Variants in ACSF3 observed in about 807,000 individuals in gnomAD.
ACSF3 encodes malonate--CoA ligase ACSF3, mitochondrial.
A neutral mutation model predicts 53.2 loss-of-function variants in ACSF3; 78 were observed. The observed-to-expected ratio is 1.47, with a 90% CI of 1.22 to 1.77. The LOEUF (loss-of-function observed/expected upper bound fraction) is 1.77, where lower values mean the gene tolerates loss of function less well. Ranked by LOEUF, ACSF3 falls within the 40% of genes most tolerant of loss-of-function variation. The pLI is 0.00. For missense variants in ACSF3, 937 were observed against 771.1 expected, an observed-to-expected ratio of 1.22 and a Z score of -2.55; for synonymous variants, 414 against 333.1, an observed-to-expected ratio of 1.24 and a Z score of -2.65.
intron 7 of ACSF3, among the ~76,000 whole-genome samples, chr16:89,129,893 A>G (rs1314326879): frequency 6.6e-6 from 1 of 152,210 alleles, no homozygotes; most frequent in Non-Finnish European, 1.5e-5. Flanking sequence ...CTGCCTCCAC[A>G]TCGGTTACTT....
intron 4 of ACSF3, among the ~76,000 whole-genome samples, chr16:89,110,701 C>T (rs140813300): frequency 9.2e-5 from 14 of 152,230 alleles, no homozygotes; most frequent in East Asian, 1.9e-4. Context: ...TAAAGCTTGC[C>T]GGAATTTTGG....
intron 6 of ACSF3, among the ~76,000 whole-genome samples, chr16:89,116,429 G>T (rs1356661451): frequency 5.9e-5 from 9 of 152,208 alleles, no homozygotes; most frequent in African/African-American, 2.2e-4. Context: ...CAAGGTGAGT[G>T]TGAGGGCTGG....
intron 7 of ACSF3, among the ~76,000 whole-genome samples, chr16:89,131,885 C>T (rs1447638046): frequency 1.3e-5 from 2 of 152,270 alleles, no homozygotes; most frequent in Non-Finnish European, 2.9e-5. Context: ...GGGCACTGCA[C>T]GGAAAGCCCC....
At chr16:89,132,997 C>A in intron 7 of ACSF3, 139 bp from the exon 8 acceptor site, 1 of 1,292,932 alleles carries the variant, frequency 7.7e-7, no homozygotes, top group Non-Finnish European at 1.1e-6. Context: ...TCCAAGCATT[C>A]CAACAAAGCG....
At position 89,098,718 on chromosome 16, in the gene ACSF3, G is replaced by A. The variant is rs1386788361; in HGVS notation, c.-66G>A. The A allele has an allele frequency of 4.4e-6, 2 of 454,036 alleles. No homozygotes were observed. The highest frequency in any genetic ancestry group is 2.3e-5 in the Admixed American group (1 of 42,562). The allele number at this position is 454,036 out of a possible 1,614,324, so 28.1% of individuals were successfully genotyped here. A position where few individuals can be genotyped will look rare whatever the true frequency, so the allele number is the denominator to read the frequency against. On this transcript the variant is annotated 5_prime_UTR_variant, in exon 2 of 11. Transcript: ENST00000614302. ...AAGCAGCTGTGCCTGCCGCTCTTGT[G>A]AACTGCGAACTTCCCCTTACCTCCT...
At chr16:89,111,595 C>T (rs1007193913) in intron 4 of ACSF3, among the ~76,000 whole-genome samples, 15 of 152,226 alleles carry the variant, frequency 9.9e-5, no homozygotes, top group Non-Finnish European at 8.8e-5. Context: ...AACCCGCTAA[C>T]GAGTGAGGAA....
At chr16:89,122,337 T>C in intron 7 of ACSF3, 1 of 383,254 alleles carries the variant, frequency 2.6e-6, no homozygotes, top group South Asian at 1.9e-5. Flanking sequence ...CCTGGGTGGC[T>C]GCCCCTTGCT....
At chr16:89,094,339 T>C (rs9940871) in intron 1 of ACSF3, among the ~76,000 whole-genome samples, 37,427 of 152,206 alleles carry the variant, frequency 0.25, 5,760 homozygotes, top group East Asian at 0.52. Flanking sequence ...CCATTTCTCA[T>C]TGGGCTTCAG....
intron 8 of ACSF3, among the ~76,000 whole-genome samples, chr16:89,134,827 G>A (rs560977514): frequency 2.3e-4 from 35 of 152,324 alleles, no homozygotes; most frequent in Middle Eastern, 3.4e-3. Context: ...CACCTTCCCA[G>A]CTAGGCTTAG....
intron 8 of ACSF3, among the ~76,000 whole-genome samples, chr16:89,139,669 T>G (rs957821959): frequency 6.7e-6 from 1 of 148,508 alleles, no homozygotes. Context: ...CTCGGCTCAG[T>G]GCAACCTCCG....
intron 4 of ACSF3, among the ~76,000 whole-genome samples, chr16:89,104,480 C>A (rs555897911): frequency 6.6e-6 from 1 of 152,366 alleles, no homozygotes; most frequent in East Asian, 1.9e-4. Flanking sequence ...TGTCTGAAGT[C>A]TTTCTGGCCC....
At chr16:89,106,732 G>A (rs1303897594) in intron 4 of ACSF3, among the ~76,000 whole-genome samples, 2 of 152,226 alleles carry the variant, frequency 1.3e-5, no homozygotes, top group Non-Finnish European at 2.9e-5. Context: ...TGAACTTTGG[G>A]ATTTTGTCTA....
rs895243580 is a variant in ACSF3, at chr16:89,146,209, C to T, written c.1613+160C>T. Among the ~76,000 whole-genome samples, 44 of 152,158 alleles carry T rather than the reference C, an allele frequency of 2.9e-4. No homozygotes were observed. The highest frequency in any genetic ancestry group is 1.0e-3 in the African/African-American group (42 of 41,436). ...TTAGAGACCTGAAGGCCGCACACAG[C>T]AGGTAGAGACGAGGGCAGGGGGCAG... is the stretch of plus-strand genomic sequence containing the variant. On this transcript the variant is annotated intron_variant, in intron 10 of 10. Coordinates refer to ENST00000614302, the MANE Select transcript of ACSF3 (RefSeq NM_001243279.3).
intron 4 of ACSF3, 58 bp from the exon 5 acceptor site, chr16:89,112,034 C>T: frequency 6.2e-7 from 1 of 1,605,880 alleles, no homozygotes; most frequent in Non-Finnish European, 8.5e-7. Context: ...CCAGGAGCCT[C>T]CGCCACGGGC....
chr16:89,133,730 A>G (rs1232213702), intron 8 of ACSF3, among the ~76,000 whole-genome samples: 1 of 152,232 alleles, frequency 6.6e-6, no homozygotes, highest in African/African-American at 2.4e-5. Flanking sequence ...CCAGAGTCAG[A>G]AGTCAGCTGA....
At chr16:89,147,275 G>T (rs1913186874) in intron 10 of ACSF3, among the ~76,000 whole-genome samples, 1 of 99,860 alleles carries the variant, frequency 1.0e-5, no homozygotes. Context: ...GAGGGAGGAG[G>T]GAGGGGCCAC....
intron 4 of ACSF3, among the ~76,000 whole-genome samples, chr16:89,105,883 C>A (rs550708141): frequency 1.8e-4 from 28 of 152,322 alleles, no homozygotes; most frequent in African/African-American, 6.5e-4. Context: ...ACCCTCAGGG[C>A]GAGAGGCAGG....
Position 89,155,479 on chromosome 16 carries a change from C to T in ACSF3, c.*1272C>T, listed in dbSNP as rs989918650. 19 of 454,034 alleles carry T rather than the reference C, an allele frequency of 4.2e-5. No homozygotes were observed. The highest frequency in any genetic ancestry group is 2.0e-4 in the African/African-American group (10 of 50,018). 28.1% of individuals were successfully genotyped at this position (454,034 alleles called of 1,614,324 possible). A position where few individuals can be genotyped will look rare whatever the true frequency, so the allele number is the denominator to read the frequency against. On this transcript the variant is annotated 3_prime_UTR_variant, in exon 11 of 11. Coordinates refer to ENST00000614302, the MANE Select transcript of ACSF3 (RefSeq NM_001243279.3). Reference sequence around the variant, plus strand: ...AAGCTTGTCTGAGGCCACAGAGCAGCGTCCCAGCCCTGTTTTCCAGGACTG... The same window carrying T: ...AAGCTTGTCTGAGGCCACAGAGCAGTGTCCCAGCCCTGTTTTCCAGGACTG...
intron 8 of ACSF3, among the ~76,000 whole-genome samples, chr16:89,137,704 G>A (rs1038343402): frequency 1.3e-5 from 2 of 152,140 alleles, no homozygotes; most frequent in Non-Finnish European, 2.9e-5. Flanking sequence ...CACAGGGAAG[G>A]ATGGGGAGAG....
Sources: gnomAD v4.1 joint callset for allele counts (sites outside exome capture counted in the v4.1 genomes callset) on GRCh38, gnomAD v4.1.1 for gene constraint, MANE v1.5 for transcripts, NCBI Gene and HGNC (gene_info 2026-07-23, HGNC 2026-07-21) for gene names.